PCA3: variants seen among roughly 807,000 people sequenced by gnomAD.
The protein encoded by PCA3 is Differential Display code 3.
At chr9:76,764,613 T>G (rs2052135706) in intron 2 of PCA3, 1 of 152,256 alleles carries the variant, frequency 6.6e-6, no homozygotes, top group South Asian at 2.1e-4. Context: ...GGGAAGTGAC[T>G]AGAAGGTTTA....
intron 2 of PCA3, among the ~76,000 whole-genome samples, chr9:76,766,404 G>C (rs1203368383): frequency 6.6e-6 from 1 of 152,022 alleles, no homozygotes; most frequent in Non-Finnish European, 1.5e-5. Flanking sequence ...AAGAAAAGGA[G>C]TCAGCTTTCT....
chr9:76,787,510 C>T (rs2055112130), intron 2 of PCA3: 2 of 152,008 alleles, frequency 1.3e-5, no homozygotes, highest in Admixed American at 6.6e-5. Context: ...ACCTGTGTAA[C>T]AAACCTACAC....
At chr9:76,765,389 G>C (rs558849498) in intron 2 of PCA3, among the ~76,000 whole-genome samples, 1 of 152,188 alleles carries the variant, frequency 6.6e-6, no homozygotes, top group Admixed American at 6.5e-5. Context: ...CCTTATATTT[G>C]ATAACAGAGG....
chr9:76,768,583 A>ATGTGTGTG (rs55793596), intron 2 of PCA3, among the ~76,000 whole-genome samples: 278 of 103,344 alleles, frequency 2.7e-3, no homozygotes, highest in African/African-American at 7.6e-3. Context: ...ATGTATATGT[A>ATGTGTGTG]TGTGTGTGTG....
rs370472844 is a variant in PCA3 at position 76,774,453 on chromosome 9, T to TATTTATTTATTTATTTATTTATTTATTTA, written n.853-34130_853-34129insATTTATTTATTTATTTATTTATTTATTTA. ...GTTCCTGGCCTCCAGTTCAACCCTT[T>TATTTATTTATTTATTTATTTATTTATTTA]TTTTTTTTTTTTTTTTTTTTTTTTG... is the stretch of plus-strand genomic sequence containing the variant. On this transcript the variant is annotated intron_variant and non_coding_transcript_variant, in intron 2 of 5. Coordinates refer to ENST00000644657, the Ensembl canonical transcript of PCA3. Among the ~76,000 whole-genome samples, 430 of 122,264 alleles carry TATTTATTTATTTATTTATTTATTTATTTA rather than the reference T, an allele frequency of 3.5e-3. 8 individuals are homozygous for TATTTATTTATTTATTTATTTATTTATTTA. The highest frequency in any genetic ancestry group is 0.012 in the African/African-American group (406 of 34,578). The allele number at this position is 122,264 out of a possible 152,430, so 80.2% of individuals were successfully genotyped here. A position where few individuals can be genotyped will look rare whatever the true frequency, so the allele number is the denominator to read the frequency against.
At chr9:76,768,182 T>C (rs2052634709) in intron 2 of PCA3, among the ~76,000 whole-genome samples, 1 of 150,380 alleles carries the variant, frequency 6.6e-6, no homozygotes, top group African/African-American at 2.5e-5. Flanking sequence ...AACTAGTACT[T>C]CCATGTCAAT....
intron 2 of PCA3, among the ~76,000 whole-genome samples, chr9:76,774,465 T>TATTTATTTATTTA (rs761395945): frequency 0.029 from 4,023 of 136,900 alleles, 226 homozygotes; most frequent in African/African-American, 0.048. Flanking sequence ...TTTTTTTTTT[T>TATTTATTTATTTA]TTTTTTTTTT....
intron 2 of PCA3, among the ~76,000 whole-genome samples, chr9:76,767,343 C>A (rs2092707875): frequency 6.6e-6 from 1 of 151,850 alleles, no homozygotes; most frequent in Non-Finnish European, 1.5e-5. Flanking sequence ...CCCAGCTACT[C>A]GAGAGGCCGA....
chr9:76,767,621 C>T (rs673575), intron 2 of PCA3, among the ~76,000 whole-genome samples: 74,507 of 151,966 alleles, frequency 0.49, 18,794 homozygotes, highest in East Asian at 0.67. Flanking sequence ...GTTTCCCTAC[C>T]TTCTTTGTTG....
chr9:76,769,109 A>G (rs1289199006), intron 2 of PCA3, among the ~76,000 whole-genome samples: 10 of 152,174 alleles, frequency 6.6e-5, no homozygotes, highest in African/African-American at 2.4e-4. Flanking sequence ...ATATTCTTAG[A>G]ATCTTTCATT....
At chr9:76,783,420 A>T (rs575733130) in intron 2 of PCA3, among the ~76,000 whole-genome samples, 1 of 152,152 alleles carries the variant, frequency 6.6e-6, no homozygotes, top group East Asian at 1.9e-4. Flanking sequence ...TACAGGTGTG[A>T]GCCACTGCTC....
intron 2 of PCA3, among the ~76,000 whole-genome samples, chr9:76,768,674 C>A (rs1176604426): frequency 1.3e-5 from 2 of 151,288 alleles, no homozygotes; most frequent in African/African-American, 4.9e-5. Flanking sequence ...TTGAAGTCAT[C>A]TCATAAAAAA....
At chr9:76,772,273 G>T (rs2053195877) in intron 2 of PCA3, among the ~76,000 whole-genome samples, 1 of 152,118 alleles carries the variant, frequency 6.6e-6, no homozygotes, top group Non-Finnish European at 1.5e-5. Context: ...CTACTGGTAT[G>T]GTGTGGCTTT....
At chr9:76,780,008 C>T (rs1365400162) in intron 2 of PCA3, 2 of 152,118 alleles carry the variant, frequency 1.3e-5, no homozygotes, top group Non-Finnish European at 2.9e-5. Flanking sequence ...TAGTAAAATC[C>T]ATCGTCAGAC....
At chr9:76,784,248 T>A (rs1182160874) in intron 2 of PCA3, 2 of 152,158 alleles carry the variant, frequency 1.3e-5, no homozygotes, top group Non-Finnish European at 2.9e-5. Flanking sequence ...GGAAAACAGA[T>A]CCTGTTGTGG....
chr9:76,776,166 G>C (rs2053710562), intron 2 of PCA3, among the ~76,000 whole-genome samples: 1 of 152,172 alleles, frequency 6.6e-6, no homozygotes, highest in Non-Finnish European at 1.5e-5. Flanking sequence ...ATTTTAGGGG[G>C]TACAAGTGCA....
intron 2 of PCA3, among the ~76,000 whole-genome samples, chr9:76,769,700 C>G (rs2052879060): frequency 6.6e-6 from 1 of 152,210 alleles, no homozygotes; most frequent in African/African-American, 2.4e-5. Context: ...GCTGAGATTA[C>G]AGGCGTGAAA....
intron 2 of PCA3, among the ~76,000 whole-genome samples, chr9:76,774,451 T>TTTTTTTATTTATTTATTTATTTA (rs1564272358): frequency 2.5e-4 from 20 of 80,992 alleles, no homozygotes; most frequent in South Asian, 2.0e-3. Flanking sequence ...AGTTCAACCC[T>TTTTTTTATTTATTTATTTATTTA]TTTTTTTTTT....
At chr9:76,776,546 C>T (rs1457512554) in intron 2 of PCA3, among the ~76,000 whole-genome samples, 27 of 92,360 alleles carry the variant, frequency 2.9e-4, no homozygotes, top group African/African-American at 1.6e-3. Context: ...AGATGAGTCT[C>T]GCTCTGTTGC....
Sources: allele counts gnomAD v4.1 joint callset (sites outside exome capture counted in the v4.1 genomes callset), GRCh38; gene constraint gnomAD v4.1.1; transcripts MANE v1.5; gene names NCBI Gene and HGNC (gene_info 2026-07-23, HGNC 2026-07-21).